The following SFXN5 variants were observed in gnomAD, a reference collection of about 807,000 sequenced individuals.
SFXN5 encodes the protein sideroflexin 5.
In SFXN5, 43 loss-of-function variants were observed where a neutral mutation model predicts 50.2. That is an observed-to-expected ratio of 0.86 (90% CI 0.67 to 1.11). The LOEUF is 1.11. Among genes scored for constraint, SFXN5 ranks in the 50% least tolerant of loss-of-function variants. The probability of loss-of-function intolerance (pLI) is 0.00; values close to 1 mark genes in which losing one functional copy is unlikely to be tolerated. For missense variants in SFXN5, 463 were observed against 454.1 expected, an observed-to-expected ratio of 1.02 and a Z score of -0.18; for synonymous variants, 203 against 185.8, an observed-to-expected ratio of 1.09 and a Z score of -0.75.
intron 6 of SFXN5, among the ~76,000 whole-genome samples, chr2:73,016,305 A>G (rs1014310802): frequency 6.6e-6 from 1 of 152,246 alleles, no homozygotes; most frequent in Non-Finnish European, 1.5e-5. Flanking sequence ...GTAAGAAATT[A>G]TCTAAATAAA....
chr2:72,996,517 T>G (rs1320281155), intron 9 of SFXN5: 1 of 152,390 alleles, frequency 6.6e-6, no homozygotes, highest in Non-Finnish European at 1.4e-5. Flanking sequence ...GTTTTTTTTT[T>G]TTTTTTTTTG....
chr2:72,986,542 T>C lies in SFXN5; in HGVS notation c.625+1716A>G, dbSNP rs1489413708. On this transcript the variant is annotated intron_variant, in intron 10 of 13. Coordinates refer to ENST00000272433, the MANE Select transcript of SFXN5 (RefSeq NM_144579.3). The stretch of plus-strand genomic sequence containing the variant: ...GTACCACAGAGGTCACGAGTCCTCA[T>C]GCCCTGTGCTGGCCTGTCCCCATCG... Among the ~76,000 whole-genome samples the C allele has an allele frequency of 2.0e-5, 3 of 152,346 alleles. No individual in the cohort carries two copies. In the East Asian group the frequency reaches 5.8e-4, roughly 29 times the overall value.
intron 2 of SFXN5, among the ~76,000 whole-genome samples, chr2:73,056,531 C>A (rs1034000077): frequency 5.3e-5 from 8 of 151,336 alleles, no homozygotes; most frequent in African/African-American, 1.9e-4. Flanking sequence ...ACTAAAAATA[C>A]AAAATTAGCC....
chr2:73,056,682 T>A, intron 2 of SFXN5, among the ~76,000 whole-genome samples: 1 of 143,352 alleles, frequency 7.0e-6, no homozygotes. Flanking sequence ...CAAAACTCCG[T>A]CTCAAAAAAA....
chr2:72,987,650 G>A (rs1221885922), intron 10 of SFXN5, among the ~76,000 whole-genome samples: 1 of 152,048 alleles, frequency 6.6e-6, no homozygotes. Flanking sequence ...AGCTACTTGG[G>A]AGCCTGAGGC....
At chr2:73,039,515 T>C (rs1199999149) in intron 3 of SFXN5, among the ~76,000 whole-genome samples, 2 of 152,120 alleles carry the variant, frequency 1.3e-5, no homozygotes. Context: ...CCCAAAACCA[T>C]GATAACTATT....
intron 9 of SFXN5, among the ~76,000 whole-genome samples, chr2:72,991,047 C>T (rs1458585385): frequency 6.6e-6 from 1 of 152,218 alleles, no homozygotes; most frequent in Non-Finnish European, 1.5e-5. Flanking sequence ...GAACAGGAGC[C>T]ATTCACGGAA....
In SFXN5 at chr2:72,945,137, G is replaced by C; in HGVS notation, c.946-38C>G. 1 of 1,589,048 alleles carries C rather than the reference G, an allele frequency of 6.3e-7. No homozygotes were observed. Among genetic ancestry groups the C allele is most frequent in the Middle Eastern group, 1.7e-4 (1 of 6,022 alleles). On this transcript the variant is annotated intron_variant, in intron 13 of 13. Coordinates refer to ENST00000272433, the MANE Select transcript of SFXN5 (RefSeq NM_144579.3). The surrounding 1 kb of genome is among the most constrained non-coding windows in gnomAD (Gnocchi z 5.8). Reference sequence around the variant, plus strand: ...AACAGAGAGGAAAAGTGGGGGAGTGGGAAGGGGCAAATAGTGGGGCTGGGA... The same window carrying C: ...AACAGAGAGGAAAAGTGGGGGAGTGCGAAGGGGCAAATAGTGGGGCTGGGA...
chr2:73,027,107 C>A (rs1265627182), intron 3 of SFXN5, among the ~76,000 whole-genome samples: 1 of 152,046 alleles, frequency 6.6e-6, no homozygotes, highest in Non-Finnish European at 1.5e-5. Flanking sequence ...TCAGGCAGGC[C>A]CTTCAGGGGG....
intron 10 of SFXN5, among the ~76,000 whole-genome samples, chr2:72,976,167 G>C (rs1267749052): frequency 6.6e-6 from 1 of 152,164 alleles, no homozygotes; most frequent in African/African-American, 2.4e-5. Context: ...AGAGTGGTCT[G>C]CTTGGGGAAA....
chr2:72,996,226 CG>C, intron 9 of SFXN5, among the ~76,000 whole-genome samples: 1 of 152,206 alleles, frequency 6.6e-6, no homozygotes, highest in East Asian at 1.9e-4. Flanking sequence ...GAAAGCCTTT[CG>C]AGGGGTGCTG....
intron 11 of SFXN5, among the ~76,000 whole-genome samples, chr2:72,970,579 C>T (rs1424351561): frequency 6.6e-6 from 1 of 152,074 alleles, no homozygotes; most frequent in African/African-American, 2.4e-5. Flanking sequence ...CCCATCCTAC[C>T]CCATGCCCAG....
At chr2:72,986,121 G>T (rs181194687) in intron 10 of SFXN5, among the ~76,000 whole-genome samples, 35 of 152,212 alleles carry the variant, frequency 2.3e-4, no homozygotes, top group Non-Finnish European at 3.5e-4. Flanking sequence ...GCCCCTTAAC[G>T]AAGTCAGATC....
At chr2:73,039,305 G>A (rs562518331) in intron 3 of SFXN5, among the ~76,000 whole-genome samples, 79 of 152,330 alleles carry the variant, frequency 5.2e-4, no homozygotes, top group Middle Eastern at 3.4e-3. Flanking sequence ...GTGTATGACT[G>A]TATTGAAAGG....
At chr2:73,056,302 A>T (rs1682111074) in intron 2 of SFXN5, among the ~76,000 whole-genome samples, 1 of 152,058 alleles carries the variant, frequency 6.6e-6, no homozygotes, top group African/African-American at 2.4e-5. Context: ...GAATCACTTG[A>T]ACCTGGGAGG....
chr2:73,068,972 C>T (rs575648436), intron 1 of SFXN5, among the ~76,000 whole-genome samples: 1 of 141,350 alleles, frequency 7.1e-6, no homozygotes, highest in African/African-American at 2.6e-5. Context: ...TGGGAGGGAA[C>T]GTGGTGGGTT....
chr2:73,037,149 C>T (rs1475929813), intron 3 of SFXN5, among the ~76,000 whole-genome samples: 1 of 152,242 alleles, frequency 6.6e-6, no homozygotes, highest in Non-Finnish European at 1.5e-5. Flanking sequence ...CAGTGTGCAC[C>T]TCCTTGCCTG....
At chr2:72,947,165 A>G (rs1045059353) in intron 13 of SFXN5, among the ~76,000 whole-genome samples, 8 of 152,166 alleles carry the variant, frequency 5.3e-5, no homozygotes, top group African/African-American at 1.7e-4. Flanking sequence ...TTAGATCACA[A>G]GCTCCCTGAG....
At chr2:72,981,992 T>C (rs1006959099) in intron 10 of SFXN5, among the ~76,000 whole-genome samples, 1 of 150,836 alleles carries the variant, frequency 6.6e-6, no homozygotes, top group Non-Finnish European at 1.5e-5. Context: ...TGTGTGTGTG[T>C]GTGTGCGTGC....
Sources: gnomAD v4.1 joint callset for allele counts (sites outside exome capture counted in the v4.1 genomes callset) on GRCh38, gnomAD v4.1.1 for gene constraint, Gnocchi (gnomAD v3.1) non-coding constraint, MANE v1.5 for transcripts, NCBI Gene and HGNC (gene_info 2026-07-23, HGNC 2026-07-21) for gene names.